Variants in LMF1 observed in about 807,000 individuals in gnomAD.
The protein encoded by LMF1 is lipase maturation factor 1.
In LMF1, 68 loss-of-function variants were observed where a neutral mutation model predicts 60.6. The ratio of observed to expected loss-of-function variants is 1.12; its 90% CI spans 0.92 to 1.37. The LOEUF is 1.37. Ranked by LOEUF, LMF1 falls within the 40% of genes most tolerant of loss-of-function variation. The pLI is 0.00. For synonymous variants in LMF1, 418 were observed against 324.7 expected (o/e 1.29, Z -3.09); for missense variants, 948 against 767.2 (o/e 1.24, Z -2.78).
intron 4 of LMF1, among the ~76,000 whole-genome samples, chr16:908,408 C>T (rs2071022788): frequency 1.3e-5 from 2 of 152,224 alleles, no homozygotes; most frequent in South Asian, 4.1e-4. Context: ...CACCCCTCAG[C>T]CAGGACCCTG....
intron 1 of LMF1, chr16:976,783 A>C (rs762803087): frequency 2.9e-5 from 13 of 454,008 alleles, no homozygotes; most frequent in Non-Finnish European, 4.9e-5. Context: ...TGCACCTGTC[A>C]CTGGGGAGAG....
Position 878,047 on chromosome 16 carries a change from A to G in LMF1, c.897+1523T>C, listed in dbSNP as rs998557633. On this transcript the variant is annotated intron_variant, in intron 6 of 10. Transcript: ENST00000262301. The surrounding 1 kb of genome is among the most constrained non-coding windows in gnomAD (Gnocchi z 5.2). ...CCCCAAACACACATGGGGTCTGGCT[A>G]CACGGAACCGACTGAAGCTATTCCA... Among the ~76,000 whole-genome samples the G allele has an allele frequency of 6.6e-6, 1 of 151,914 alleles. No homozygotes were observed. The highest frequency in any genetic ancestry group is 2.4e-5 in the African/African-American group (1 of 41,318).
At chr16:949,368 G>A (rs532226094) in intron 2 of LMF1, among the ~76,000 whole-genome samples, 1 of 151,060 alleles carries the variant, frequency 6.6e-6, no homozygotes, top group Admixed American at 6.6e-5. Context: ...CAATGACAGA[G>A]TCAGCCAATG....
rs534818260 is a variant in LMF1 at position 958,889 on chromosome 16, A to C, written c.194-4223T>G. The stretch of plus-strand genomic sequence containing the variant: ...GCGACAGAGTAAGACTGTCTCAAAA[A>C]AAAAACCAAAAAAACAAAACAAAAA... On this transcript the variant is annotated intron_variant, in intron 1 of 10. Coordinates refer to ENST00000262301, the MANE Select transcript of LMF1 (RefSeq NM_022773.4). 5.4e-5 allele frequency among the ~76,000 whole-genome samples: 8 copies of C among 148,628 alleles called. No homozygotes were observed. The East Asian group carries it at 1.6e-3, about 29-fold the overall frequency.
At chr16:863,610 C>A (rs2069532084) in intron 10 of LMF1, among the ~76,000 whole-genome samples, 1 of 152,072 alleles carries the variant, frequency 6.6e-6, no homozygotes. Flanking sequence ...TCTTACTGCT[C>A]CTTGCTTTAA....
chr16:979,190 CG>C, intron 1 of LMF1: 1 of 430,670 alleles, frequency 2.3e-6, no homozygotes, highest in Non-Finnish European at 4.7e-6. Flanking sequence ...AGCTCCGTCC[CG>C]GCGTCCTCTC....
At chr16:888,023 G>A (rs1022258397) in intron 5 of LMF1, among the ~76,000 whole-genome samples, 2 of 152,152 alleles carry the variant, frequency 1.3e-5, no homozygotes, top group Admixed American at 6.5e-5. Flanking sequence ...GCGGTGAGTC[G>A]ACTCTGGGGG....
At chr16:900,144 G>C (rs1006959258) in intron 4 of LMF1, 1 of 152,196 alleles carries the variant, frequency 6.6e-6, no homozygotes, top group African/African-American at 2.4e-5. Flanking sequence ...CTGGCCTAAG[G>C]CTTCTGTAAC....
At chr16:970,681 G>T (rs2073024382) in intron 1 of LMF1, 107 bp downstream of exon 1, 3 of 1,052,408 alleles carry the variant, frequency 2.9e-6, no homozygotes, top group Non-Finnish European at 1.3e-6. Flanking sequence ...AGGGCTGCGT[G>T]GGGGCGCCGC....
In LMF1 at chr16:954,019, ACACC is replaced by A. The variant is rs779963673; in HGVS notation, c.503+334_503+337del. Among the ~76,000 whole-genome samples the A allele has an allele frequency of 1.4e-3, 169 of 119,014 alleles. 27 individuals carry two copies. Among genetic ancestry groups the A allele is most frequent in the Non-Finnish European group, 1.9e-3 (104 of 54,566 alleles). 78.1% of individuals were successfully genotyped at this position (119,014 alleles called of 152,430 possible). The stretch of plus-strand genomic sequence containing the variant: ...ACCAGCCTCCTACACGTCCACACAG[ACACC>A]CACCCCAAACCAGCCTCCTACACGT... On this transcript the variant is annotated intron_variant, in intron 2 of 10. Coordinates refer to ENST00000262301, the MANE Select transcript of LMF1 (RefSeq NM_022773.4).
At chr16:951,518 T>TA (rs1245452767) in intron 2 of LMF1, among the ~76,000 whole-genome samples, 2 of 152,242 alleles carry the variant, frequency 1.3e-5, no homozygotes, top group Non-Finnish European at 1.5e-5. Context: ...TAAAATCACT[T>TA]AGAGTTTTAT....
intron 2 of LMF1, among the ~76,000 whole-genome samples, chr16:948,557 GCGACAGAGTTAGAGACAA>G (rs1392721771): frequency 7.1e-6 from 1 of 140,336 alleles, no homozygotes; most frequent in Non-Finnish European, 1.5e-5. Context: ...GTCAGACACA[GCGACAGAGTTAGAGACAA>G]CGACAGAGTC....
chr16:971,144 G>T, upstream of LMF1: 4 of 678,418 alleles, frequency 5.9e-6, no homozygotes, highest in Non-Finnish European at 8.4e-6. Context: ...CCTCCAGCCG[G>T]CCCCGCCCAC....
At chr16:944,826 C>T (rs558587420) in intron 2 of LMF1, among the ~76,000 whole-genome samples, 6 of 152,288 alleles carry the variant, frequency 3.9e-5, no homozygotes, top group East Asian at 3.9e-4. Flanking sequence ...CACCCCATCT[C>T]GTCTCAATTG....
chr16:889,496 T>A (rs2070414765), intron 5 of LMF1, among the ~76,000 whole-genome samples: 1 of 152,038 alleles, frequency 6.6e-6, no homozygotes, highest in Non-Finnish European at 1.5e-5. Context: ...GAGGGAGGCA[T>A]CCCCGGGGTG....
At chr16:890,137 C>A (rs961469050) in intron 5 of LMF1, among the ~76,000 whole-genome samples, 7 of 152,202 alleles carry the variant, frequency 4.6e-5, no homozygotes, top group African/African-American at 1.7e-4. Context: ...GGAGTCCAGG[C>A]CCCTGAGGCC....
intron 3 of LMF1, chr16:931,922 G>A: frequency 4.0e-6 from 3 of 751,580 alleles, no homozygotes; most frequent in Non-Finnish European, 5.7e-6. Context: ...GAATCAGTTA[G>A]AATGTATGAC....
At chr16:914,650 C>G (rs1188652369) in intron 3 of LMF1, among the ~76,000 whole-genome samples, 9 of 774 alleles carry the variant, frequency 0.012, no homozygotes, top group East Asian at 0.024. Flanking sequence ...CCTCCCTCCT[C>G]ATGACCATTG....
At chr16:886,464 G>A (rs774249227) in intron 5 of LMF1, among the ~76,000 whole-genome samples, 1 of 151,718 alleles carries the variant, frequency 6.6e-6, no homozygotes, top group Non-Finnish European at 1.5e-5. Flanking sequence ...ACGGGCCTGG[G>A]GCTTTGAACC....
Sources: gnomAD v4.1 joint callset for allele counts (sites outside exome capture counted in the v4.1 genomes callset) on GRCh38, gnomAD v4.1.1 for gene constraint, Gnocchi (gnomAD v3.1) non-coding constraint, MANE v1.5 for transcripts, NCBI Gene and HGNC (gene_info 2026-07-23, HGNC 2026-07-21) for gene names.